PHLDB2: variants seen among roughly 807,000 people sequenced by gnomAD.
PHLDB2 encodes pleckstrin homology like domain family B member 2.
In PHLDB2, 71 loss-of-function variants were observed where a neutral mutation model predicts 123.6. The observed-to-expected ratio is 0.57, with a 90% confidence interval of 0.47 to 0.70. The LOEUF (loss-of-function observed/expected upper bound fraction) is 0.70. PHLDB2 is among the 30% of genes least tolerant of loss of function. PHLDB2 has a pLI of 0.00. For synonymous variants in PHLDB2, 547 were observed against 541.6 expected (o/e 1.01, Z -0.14); for missense variants, 1,446 against 1,519.5 (o/e 0.95, Z 0.80).
intron 5 of PHLDB2, among the ~76,000 whole-genome samples, chr3:111,925,843 T>G (rs1468440838): frequency 6.6e-6 from 1 of 152,230 alleles, no homozygotes; most frequent in African/African-American, 2.4e-5. Context: ...TGTTAAAAAT[T>G]TGAAACTAAA....
intron 3 of PHLDB2, chr3:111,916,779 C>G (rs1443614693): frequency 1.3e-5 from 2 of 152,128 alleles, no homozygotes; most frequent in African/African-American, 4.8e-5. Flanking sequence ...AAGAAGAAAT[C>G]TGTGAAAAAG....
At chr3:111,906,523 G>T (rs557217319) in intron 2 of PHLDB2, among the ~76,000 whole-genome samples, 1 of 152,272 alleles carries the variant, frequency 6.6e-6, no homozygotes, top group South Asian at 2.1e-4. Flanking sequence ...GATAGAAGAG[G>T]GAAGTCTAGG....
intron 1 of PHLDB2, among the ~76,000 whole-genome samples, chr3:111,830,991 AAG>A (rs2062974336): frequency 1.3e-5 from 1 of 79,056 alleles, no homozygotes; most frequent in Non-Finnish European, 2.3e-5. Context: ...GAAAGAAAGA[AAG>A]AAAGAAAGAA....
chr3:111,893,790 T>G (rs2066635931), intron 2 of PHLDB2, among the ~76,000 whole-genome samples: 1 of 149,826 alleles, frequency 6.7e-6, no homozygotes, highest in Non-Finnish European at 1.5e-5. Context: ...AAATTAGGTA[T>G]AATATATTTG....
intron 6 of PHLDB2, among the ~76,000 whole-genome samples, chr3:111,936,411 C>T (rs2069495063): frequency 6.6e-6 from 1 of 152,138 alleles, no homozygotes; most frequent in Non-Finnish European, 1.5e-5. Flanking sequence ...CCCCAAATTC[C>T]ATTCCCAGAC....
chr3:111,926,913 T>C (rs1407690467), intron 5 of PHLDB2, among the ~76,000 whole-genome samples: 1 of 152,166 alleles, frequency 6.6e-6, no homozygotes, highest in African/African-American at 2.4e-5. Flanking sequence ...CGCTATATAA[T>C]CTGTGTTACC....
chr3:111,845,675 G>A, intron 1 of PHLDB2: 2 of 830,386 alleles, frequency 2.4e-6, no homozygotes, highest in Non-Finnish European at 3.7e-6. Context: ...AGTGATCCAG[G>A]ACGTCTGTTT....
At position 111,969,697 on chromosome 3, in the gene PHLDB2, C is replaced by T. The variant is rs2072043468; in HGVS notation, c.3323C>T (p.Pro1108Leu). 6.2e-7 allele frequency: 1 copy of T among 1,613,808 alleles called. No individual in the cohort carries two copies. Among genetic ancestry groups the T allele is most frequent in the Non-Finnish European group, 8.5e-7 (1 of 1,179,796 alleles). ...IRERQRAQAR[P>L]LTRYLPVRKE... Reference sequence around the variant, plus strand: ...GGTTTTGCACTTTTCCAGGCTCGTCCTTTGACACGCTACCTGCCTGTCCGG... The same window carrying T: ...GGTTTTGCACTTTTCCAGGCTCGTCTTTTGACACGCTACCTGCCTGTCCGG... The change falls in exon 16 of 18, where the codon CCT becomes CTT. Residue 1108 changes from proline to leucine, a missense_variant. Physicochemically the swap from Pro to Leu is moderately conservative, Grantham distance 98 (BLOSUM62 -3). Around this residue, in one of 3 missense-constraint regions of PHLDB2, gnomAD observed 594 missense variants for 646.0 expected, o/e 0.92. Coordinates refer to ENST00000431670, the MANE Select transcript of PHLDB2 (RefSeq NM_001134438.2).
At chr3:111,943,638 T>C (rs1458504596) in intron 8 of PHLDB2, among the ~76,000 whole-genome samples, 1 of 152,150 alleles carries the variant, frequency 6.6e-6, no homozygotes, top group Non-Finnish European at 1.5e-5. Flanking sequence ...AAAAGTTACA[T>C]GGGAAAATAC....
chr3:111,781,213 T>C (rs1314291384), intron 1 of PHLDB2, among the ~76,000 whole-genome samples: 2 of 152,088 alleles, frequency 1.3e-5, no homozygotes, highest in South Asian at 2.1e-4. Context: ...TCTTTACTTA[T>C]GTCTGATGAA....
intron 10 of PHLDB2, among the ~76,000 whole-genome samples, chr3:111,950,435 G>A (rs7626033): frequency 0.13 from 19,794 of 151,954 alleles, 1,635 homozygotes; most frequent in Non-Finnish European, 0.18. Context: ...TTAAAGTTTT[G>A]GGAACTGAGG....
At chr3:111,780,423 C>G (rs567650603) in intron 1 of PHLDB2, among the ~76,000 whole-genome samples, 1 of 140,914 alleles carries the variant, frequency 7.1e-6, no homozygotes, top group African/African-American at 2.7e-5. Context: ...AAGATTAGTT[C>G]GGCCCAACTT....
At chr3:111,850,799 G>A (rs1156866904) in intron 2 of PHLDB2, among the ~76,000 whole-genome samples, 1 of 152,062 alleles carries the variant, frequency 6.6e-6, no homozygotes, top group East Asian at 1.9e-4. Flanking sequence ...AACTATACTA[G>A]TCATAACATC....
chr3:111,824,836 C>T (rs952196963), intron 1 of PHLDB2, among the ~76,000 whole-genome samples: 5 of 152,110 alleles, frequency 3.3e-5, no homozygotes, highest in African/African-American at 1.2e-4. Flanking sequence ...AAAGTATGTA[C>T]TCTGTGGAAA....
chr3:111,914,203 T>C (rs2068039746), intron 3 of PHLDB2: 1 of 152,258 alleles, frequency 6.6e-6, no homozygotes, highest in African/African-American at 2.4e-5. Context: ...CTACCGTTTA[T>C]TTTCAGGGTT....
chr3:111,799,855 T>C (rs921706062), intron 1 of PHLDB2, among the ~76,000 whole-genome samples: 1 of 152,170 alleles, frequency 6.6e-6, no homozygotes, highest in Non-Finnish European at 1.5e-5. Context: ...ATTAGGGAGA[T>C]CTATAGATAC....
At chr3:111,748,642 C>T (rs1369719027) in intron 1 of PHLDB2, among the ~76,000 whole-genome samples, 2 of 152,152 alleles carry the variant, frequency 1.3e-5, no homozygotes, top group African/African-American at 4.8e-5. Context: ...TTGCCTCAGC[C>T]TCCCAAATAG....
chr3:111,842,126 T>C lies in PHLDB2; in HGVS notation c.-48-3695T>C, dbSNP rs115337976. 7.8e-3 allele frequency among the ~76,000 whole-genome samples: 1,188 copies of C among 152,334 alleles called. 8 individuals are homozygous for C. The highest frequency in any genetic ancestry group is 0.014 in the Non-Finnish European group (937 of 68,032). On this transcript the variant is annotated intron_variant, in intron 1 of 17. Coordinates refer to the PHLDB2 transcript ENST00000393923. ...TAGTGAAGTTATAAAGGAGATAATGTAGGTAAAACACTTAGCACAGTACCT... is the reference window on the plus strand; with the variant it reads ...TAGTGAAGTTATAAAGGAGATAATGCAGGTAAAACACTTAGCACAGTACCT...
intron 4 of PHLDB2, 99 bp downstream of exon 4, chr3:111,919,314 G>A (rs975352234): frequency 3.0e-5 from 37 of 1,215,444 alleles, no homozygotes; most frequent in African/African-American, 2.1e-4. Flanking sequence ...ATACATAGAC[G>A]TCAACACAAG....
Sources: gnomAD v4.1 joint callset for allele counts (sites outside exome capture counted in the v4.1 genomes callset) on GRCh38, gnomAD v4.1.1 for gene constraint, gnomAD v4.1.1 regional missense constraint, MANE v1.5 for transcripts, NCBI Gene and HGNC (gene_info 2026-07-23, HGNC 2026-07-21) for gene names.